TENM2: variants seen among roughly 807,000 people sequenced by gnomAD.
The protein encoded by TENM2 is teneurin-2.
Under a neutral mutation model 245.2 loss-of-function variants are expected in TENM2, and 52 were observed. That is an observed-to-expected ratio of 0.21 (90% CI 0.17 to 0.27). The LOEUF is 0.27. Among genes scored for constraint, TENM2 ranks in the 10% least tolerant of loss-of-function variants. The probability of loss-of-function intolerance (pLI) is 1.00; values close to 1 mark genes in which losing one functional copy is unlikely to be tolerated. For synonymous variants in TENM2, 1,363 were observed against 1,438.9 expected (o/e 0.95, Z 1.19); for missense variants, 3,046 against 3,666.8 (o/e 0.83, Z 4.37).
intron 9 of TENM2, among the ~76,000 whole-genome samples, chr5:168,117,702 G>A (rs933940620): frequency 5.9e-5 from 9 of 152,178 alleles, no homozygotes; most frequent in African/African-American, 2.2e-4. Flanking sequence ...ATAAAACTGA[G>A]GCAGTGAGAC....
chr5:167,142,786 G>A, the TENM2 span, among the ~76,000 whole-genome samples: 4 of 152,142 alleles, frequency 2.6e-5, no homozygotes, highest in Admixed American at 6.5e-5. Flanking sequence ...TCCTGACTTC[G>A]TGATCCGTCC....
At chr5:168,045,138 T>G (rs1208067294) in intron 5 of TENM2, among the ~76,000 whole-genome samples, 1 of 152,184 alleles carries the variant, frequency 6.6e-6, no homozygotes, top group Non-Finnish European at 1.5e-5. Context: ...CTTTTCCCCT[T>G]CTCCACCTCC....
At chr5:167,144,109 T>TC in the TENM2 span, among the ~76,000 whole-genome samples, 1 of 152,012 alleles carries the variant, frequency 6.6e-6, no homozygotes, top group Non-Finnish European at 1.5e-5. Flanking sequence ...AAGCTTAGTT[T>TC]CCCCAAACGG....
At chr5:167,892,212 A>G (rs908712151) in intron 3 of TENM2, among the ~76,000 whole-genome samples, 1 of 152,204 alleles carries the variant, frequency 6.6e-6, no homozygotes, top group Non-Finnish European at 1.5e-5. Context: ...GGAAAATTAA[A>G]CTTGAAAAAA....
chr5:168,198,973 G>A, exon 16 of TENM2: 2 of 1,614,036 alleles, frequency 1.2e-6, no homozygotes, highest in South Asian at 2.2e-5. Flanking sequence ...TGGACACCCT[G>A]GTGATGAAGA....
At chr5:167,266,217 C>A in the TENM2 span, among the ~76,000 whole-genome samples, 1 of 152,046 alleles carries the variant, frequency 6.6e-6, no homozygotes, top group African/African-American at 2.4e-5. Flanking sequence ...CAAAATTCCC[C>A]TGGAATGAAT....
At chr5:167,475,626 C>T (rs970364434) in intron 2 of TENM2, among the ~76,000 whole-genome samples, 18 of 152,052 alleles carry the variant, frequency 1.2e-4, no homozygotes, top group African/African-American at 3.6e-4. Flanking sequence ...GGTATTTGTC[C>T]TAATGCTTTC....
At chr5:167,528,189 C>G (rs1771248316) in intron 2 of TENM2, among the ~76,000 whole-genome samples, 1 of 152,124 alleles carries the variant, frequency 6.6e-6, no homozygotes, top group Non-Finnish European at 1.5e-5. Context: ...TGCAGTGTGA[C>G]AGTCGTGTGC....
At chr5:168,148,917 A>AGATT (rs1389321200) in intron 12 of TENM2, among the ~76,000 whole-genome samples, 21 of 115,266 alleles carry the variant, frequency 1.8e-4, no homozygotes, top group East Asian at 1.2e-3. Flanking sequence ...ATAGATAGAT[A>AGATT]GATTGATAGA....
At chr5:167,385,856 A>ATATGTG (rs1554142663) in intron 2 of TENM2, among the ~76,000 whole-genome samples, 1 of 139,058 alleles carries the variant, frequency 7.2e-6, no homozygotes, top group African/African-American at 2.7e-5. Flanking sequence ...TTATATATAT[A>ATATGTG]TGTGTGTGTG....
At chr5:167,703,790 G>A (rs1028932185) in intron 2 of TENM2, among the ~76,000 whole-genome samples, 2 of 152,110 alleles carry the variant, frequency 1.3e-5, no homozygotes, top group African/African-American at 4.8e-5. Context: ...AGGTCTTTTC[G>A]TGTGATGTAG....
intron 1 of TENM2, among the ~76,000 whole-genome samples, chr5:167,295,578 C>T (rs1754902547): frequency 6.6e-6 from 1 of 152,224 alleles, no homozygotes; most frequent in Non-Finnish European, 1.5e-5. Context: ...GCCCCACCCA[C>T]TGATGAATCA....
the TENM2 span, among the ~76,000 whole-genome samples, chr5:167,006,951 G>A: frequency 6.6e-6 from 1 of 152,138 alleles, no homozygotes; most frequent in African/African-American, 2.4e-5. Flanking sequence ...TATTACAGGC[G>A]TGAGCCACCA....
chr5:167,981,411 GT>G (rs1456571133), intron 4 of TENM2, among the ~76,000 whole-genome samples: 6 of 152,186 alleles, frequency 3.9e-5, no homozygotes, highest in Non-Finnish European at 7.3e-5. Flanking sequence ...CAAAAGTTGT[GT>G]TTTGGTCATG....
chr5:167,221,850 C>G, the TENM2 span, among the ~76,000 whole-genome samples: 1 of 152,134 alleles, frequency 6.6e-6, no homozygotes, highest in Non-Finnish European at 1.5e-5. Flanking sequence ...ATTAAATGTA[C>G]TCGTTAAAGA....
chr5:167,622,166 A>T (rs1273852093), intron 2 of TENM2, among the ~76,000 whole-genome samples: 1 of 152,108 alleles, frequency 6.6e-6, no homozygotes, highest in Non-Finnish European at 1.5e-5. Flanking sequence ...TTATATTTTG[A>T]CTTTTGTTCT....
chr5:168,036,924 C>G (rs1410460253), intron 5 of TENM2, among the ~76,000 whole-genome samples: 1 of 151,830 alleles, frequency 6.6e-6, no homozygotes, highest in Non-Finnish European at 1.5e-5. Flanking sequence ...CCCAGATTAG[C>G]TCTTTCCTCA....
intron 2 of TENM2, among the ~76,000 whole-genome samples, chr5:167,774,062 G>A (rs1337201711): frequency 1.3e-5 from 2 of 149,364 alleles, no homozygotes; most frequent in Admixed American, 6.7e-5. Context: ...CATGCCAACA[G>A]CAAAAGCTTG....
intron 2 of TENM2, among the ~76,000 whole-genome samples, chr5:167,702,899 A>T (rs1302285563): frequency 1.3e-5 from 2 of 151,802 alleles, no homozygotes; most frequent in Admixed American, 6.6e-5. Context: ...TCCTGACCCC[A>T]TGATTCGCCC....
Sources: allele counts gnomAD v4.1 joint callset (sites outside exome capture counted in the v4.1 genomes callset), GRCh38; gene constraint gnomAD v4.1.1; transcripts MANE v1.5; gene names NCBI Gene and HGNC (gene_info 2026-07-23, HGNC 2026-07-21).